Variants in CSNK1G1 observed in about 807,000 individuals in gnomAD.
The protein encoded by CSNK1G1 is casein kinase 1 gamma 1.
Under a neutral mutation model 59.6 loss-of-function variants are expected in CSNK1G1, and 22 were observed. The observed-to-expected ratio is 0.37, with a 90% CI of 0.26 to 0.53. CSNK1G1 has a LOEUF of 0.53. Ranked by LOEUF, CSNK1G1 falls within the 20% of genes least tolerant of loss-of-function variation. The probability of loss-of-function intolerance (pLI) is 0.89; values close to 1 mark genes in which losing one functional copy is unlikely to be tolerated. For missense variants in CSNK1G1, 384 were observed against 519.5 expected (o/e 0.74, Z 2.54); for synonymous variants, 179 against 177.1 (o/e 1.01, Z -0.08).
At chr15:64,312,480 A>T (rs1596261517) in intron 1 of CSNK1G1, among the ~76,000 whole-genome samples, 1 of 152,230 alleles carries the variant, frequency 6.6e-6, no homozygotes, top group Non-Finnish European at 1.5e-5. Flanking sequence ...TCTTTGACAA[A>T]CCTGACAATA....
intron 10 of CSNK1G1, among the ~76,000 whole-genome samples, chr15:64,184,295 T>A (rs2081860280): frequency 6.6e-6 from 1 of 151,508 alleles, no homozygotes; most frequent in South Asian, 2.1e-4. Context: ...AGAGCGAGAC[T>A]TCGTCTCAAA....
chr15:64,179,810 G>A (rs753179320), intron 11 of CSNK1G1, among the ~76,000 whole-genome samples: 1 of 152,202 alleles, frequency 6.6e-6, no homozygotes, highest in African/African-American at 2.4e-5. Flanking sequence ...CTCCTGAGAT[G>A]AGTATGACTT....
At chr15:64,189,637 C>T (rs2081943048) in intron 10 of CSNK1G1, among the ~76,000 whole-genome samples, 1 of 152,124 alleles carries the variant, frequency 6.6e-6, no homozygotes, top group African/African-American at 2.4e-5. Flanking sequence ...CAAATGTTCA[C>T]AGCTATAAAA....
At chr15:64,273,299 CAAAAT>C (rs1462657601) in intron 2 of CSNK1G1, among the ~76,000 whole-genome samples, 2 of 151,614 alleles carry the variant, frequency 1.3e-5, no homozygotes, top group African/African-American at 4.8e-5. Context: ...CAGTTATAAA[CAAAAT>C]AAAAAATATT....
rs892230957 is a variant in CSNK1G1 at position 64,316,219 on chromosome 15, A to G, written c.-224-15496T>C. Among the ~76,000 whole-genome samples, 61 of 151,920 alleles carry G rather than the reference A, an allele frequency of 4.0e-4. 1 individual carries two copies. Among genetic ancestry groups the G allele is most frequent in the Admixed American group, 1.0e-3 (16 of 15,260 alleles). On this transcript the variant is annotated intron_variant, in intron 1 of 11. Transcript: ENST00000303052. ...TGCTTTTTAAAACAAACAAACAAAC[A>G]AACAAACAAACAAACAAACAGAAAA... is the stretch of plus-strand genomic sequence containing the variant.
At chr15:64,350,838 T>C (rs1898245981) in intron 1 of CSNK1G1, among the ~76,000 whole-genome samples, 1 of 151,996 alleles carries the variant, frequency 6.6e-6, no homozygotes, top group African/African-American at 2.4e-5. Flanking sequence ...AATGTCAAAA[T>C]CCAATTTTGC....
intron 2 of CSNK1G1, among the ~76,000 whole-genome samples, chr15:64,298,785 C>A (rs187964659): frequency 1.3e-5 from 2 of 151,774 alleles, no homozygotes; most frequent in African/African-American, 4.8e-5. Context: ...AATCCCAGCA[C>A]TTTGGGAGGC....
chr15:64,290,419 G>GTTTTTTTTTTTTT (rs1894674961), intron 2 of CSNK1G1, among the ~76,000 whole-genome samples: 1 of 151,660 alleles, frequency 6.6e-6, no homozygotes, highest in African/African-American at 2.4e-5. Context: ...AAAATTTCAC[G>GTTTTTTTTTTTTT]TTTTTTGCAG....
chr15:64,223,808 C>G (rs1038056695), intron 4 of CSNK1G1, among the ~76,000 whole-genome samples: 1 of 152,266 alleles, frequency 6.6e-6, no homozygotes, highest in Non-Finnish European at 1.5e-5. Flanking sequence ...AGACATATGG[C>G]TCACACGTAC....
intron 4 of CSNK1G1, among the ~76,000 whole-genome samples, chr15:64,244,323 T>C (rs1179194679): frequency 2.8e-5 from 4 of 142,098 alleles, no homozygotes; most frequent in Non-Finnish European, 6.0e-5. Flanking sequence ...GAAAGAGCTC[T>C]ACAAGGGAAA....
chr15:64,343,236 C>CACACACA (rs1555405238), intron 1 of CSNK1G1, among the ~76,000 whole-genome samples: 2 of 150,706 alleles, frequency 1.3e-5, no homozygotes, highest in East Asian at 2.0e-4. Flanking sequence ...CACACACACA[C>CACACACA]CTCTTCTAAA....
At chr15:64,294,206 G>T (rs752559189) in intron 2 of CSNK1G1, among the ~76,000 whole-genome samples, 4 of 152,076 alleles carry the variant, frequency 2.6e-5, no homozygotes, top group Non-Finnish European at 4.4e-5. Flanking sequence ...CCGAGTAGCT[G>T]GGATTACAGG....
At chr15:64,296,937 CTTTTTTT>C (rs960068624) in intron 2 of CSNK1G1, among the ~76,000 whole-genome samples, 4 of 89,668 alleles carry the variant, frequency 4.5e-5, no homozygotes, top group Non-Finnish European at 6.3e-5. Flanking sequence ...ACTATCGTTA[CTTTTTTT>C]TTTTTTTTTT....
chr15:64,278,861 G>C (rs2140363584), intron 2 of CSNK1G1, among the ~76,000 whole-genome samples: 1 of 152,224 alleles, frequency 6.6e-6, no homozygotes, highest in Admixed American at 6.5e-5. Flanking sequence ...CTTTATGAAA[G>C]CATTTATGTA....
At chr15:64,187,789 G>C (rs1367197579) in intron 10 of CSNK1G1, among the ~76,000 whole-genome samples, 1 of 152,182 alleles carries the variant, frequency 6.6e-6, no homozygotes. Context: ...GACAAGTTAA[G>C]AGATACCAGA....
At chr15:64,292,379 T>C (rs1894792890) in intron 2 of CSNK1G1, among the ~76,000 whole-genome samples, 1 of 152,184 alleles carries the variant, frequency 6.6e-6, no homozygotes, top group Non-Finnish European at 1.5e-5. Flanking sequence ...CTGCTACCCT[T>C]AGCCAATTTA....
chr15:64,353,030 A>C (rs969018038), intron 1 of CSNK1G1, among the ~76,000 whole-genome samples: 1 of 152,106 alleles, frequency 6.6e-6, no homozygotes, highest in African/African-American at 2.4e-5. Context: ...CGGAGATTGC[A>C]ATGAGCAGAG....
intron 11 of CSNK1G1, among the ~76,000 whole-genome samples, chr15:64,177,015 CA>C (rs1166435535): frequency 6.6e-6 from 1 of 152,106 alleles, no homozygotes; most frequent in Non-Finnish European, 1.5e-5. Flanking sequence ...AAAAATCAAC[CA>C]AAAAGCTGCC....
intron 1 of CSNK1G1, among the ~76,000 whole-genome samples, chr15:64,322,409 C>A (rs146146612): frequency 6.6e-6 from 1 of 152,148 alleles, no homozygotes; most frequent in East Asian, 2.0e-4. Flanking sequence ...TACTACATTG[C>A]CCAGGCTGGT....
Sources: gnomAD v4.1 joint callset for allele counts (sites outside exome capture counted in the v4.1 genomes callset) on GRCh38, gnomAD v4.1.1 for gene constraint, MANE v1.5 for transcripts, NCBI Gene and HGNC (gene_info 2026-07-23, HGNC 2026-07-21) for gene names.